DHRSX: variants seen among roughly 807,000 people sequenced by gnomAD.
The protein encoded by DHRSX is polyprenol dehydrogenase.
DHRSX carries 31 observed loss-of-function variants against 34.0 expected under a neutral mutation model. The observed-to-expected ratio is 0.91, with a 90% CI of 0.69 to 1.23. DHRSX has a LOEUF of 1.23. DHRSX is among the 50% of genes most tolerant of loss of function. The probability of loss-of-function intolerance (pLI) is 0.00; values close to 1 mark genes in which losing one functional copy is unlikely to be tolerated. For missense variants in DHRSX, 414 were observed against 428.1 expected (o/e 0.97, Z 0.29); for synonymous variants, 201 against 183.8 (o/e 1.09, Z -0.76).
At chrX:2,326,475 A>G (rs2042387733) in intron 3 of DHRSX, among the ~76,000 whole-genome samples, 1 of 152,104 alleles carries the variant, frequency 6.6e-6, no homozygotes. Context: ...GTGAGCCCAG[A>G]TCGCACCACT....
intron 3 of DHRSX, among the ~76,000 whole-genome samples, chrX:2,391,312 C>T (rs1404780136): frequency 1.3e-5 from 2 of 152,174 alleles, no homozygotes; most frequent in African/African-American, 2.4e-5. Context: ...CTCTCCAGGT[C>T]GTCCCTCCTT....
At chrX:2,309,094 G>C (rs2042134425) in intron 3 of DHRSX, among the ~76,000 whole-genome samples, 1 of 152,028 alleles carries the variant, frequency 6.6e-6, no homozygotes, top group Non-Finnish European at 1.5e-5. Context: ...TTTTCTCAGA[G>C]ATACTAATTA....
At position 2,298,616 on chromosome X, in the gene DHRSX, A is replaced by ACACACACACGCACACACGCACACACACG. The variant is rs1556457297; in HGVS notation, c.287-7014_287-7013insCGTGTGTGTGCGTGTGTGCGTGTGTGTG. Among the ~76,000 whole-genome samples, 170 of 138,372 alleles carry ACACACACACGCACACACGCACACACACG rather than the reference A, an allele frequency of 1.2e-3. 17 individuals carry two copies. Among genetic ancestry groups the ACACACACACGCACACACGCACACACACG allele is most frequent in the African/African-American group, 5.4e-3 (162 of 29,982 alleles). 90.8% of individuals were successfully genotyped at this position (138,372 alleles called of 152,430 possible). ...GGCGCGTGTGTACACACACACACAC[A>ACACACACACGCACACACGCACACACACG]CACACACACACACACACACACGAGG... On this transcript the variant is annotated intron_variant, in intron 3 of 6. Transcript: ENST00000334651.
At chrX:2,253,299 T>C (rs768394383) in intron 5 of DHRSX, among the ~76,000 whole-genome samples, 1 of 137,530 alleles carries the variant, frequency 7.3e-6, no homozygotes, top group African/African-American at 2.7e-5. Context: ...GCCACGGCAC[T>C]GCAGCCTGGG....
chrX:2,346,375 GTC>G (rs1245123965), intron 3 of DHRSX, among the ~76,000 whole-genome samples: 3 of 151,954 alleles, frequency 2.0e-5, no homozygotes, highest in South Asian at 2.1e-4. Context: ...GGTTTTTCTC[GTC>G]TCTGTTTTCA....
intron 4 of DHRSX, among the ~76,000 whole-genome samples, chrX:2,276,468 C>G (rs1405113784): frequency 6.6e-6 from 1 of 152,096 alleles, no homozygotes; most frequent in Admixed American, 6.6e-5. Context: ...TCTGCCAATT[C>G]AAAGGTGGAA....
chrX:2,357,560 A>T (rs941721825), intron 3 of DHRSX, among the ~76,000 whole-genome samples: 18 of 152,096 alleles, frequency 1.2e-4, no homozygotes, highest in African/African-American at 4.1e-4. Flanking sequence ...AGGTGGAAAG[A>T]GCTCTTCGTC....
At chrX:2,458,673 G>A (rs2124683389) in intron 1 of DHRSX, among the ~76,000 whole-genome samples, 1 of 141,504 alleles carries the variant, frequency 7.1e-6, no homozygotes, top group African/African-American at 2.7e-5. Context: ...AGGGAAGAAT[G>A]CTTCATGAAG....
intron 3 of DHRSX, among the ~76,000 whole-genome samples, chrX:2,292,183 G>A (rs1331971656): frequency 6.6e-6 from 1 of 152,180 alleles, no homozygotes. Flanking sequence ...CTTGATGTGA[G>A]CTGATGTTTT....
intron 3 of DHRSX, among the ~76,000 whole-genome samples, chrX:2,340,478 T>G (rs1434013473): frequency 6.6e-6 from 1 of 151,410 alleles, no homozygotes; most frequent in Non-Finnish European, 1.5e-5. Context: ...ATATATGATG[T>G]CCATCAATAT....
chrX:2,310,251 G>A (rs2042146751), intron 3 of DHRSX, among the ~76,000 whole-genome samples: 1 of 152,140 alleles, frequency 6.6e-6, no homozygotes, highest in Admixed American at 6.6e-5. Context: ...CGAAGCTCAT[G>A]ATGGCTTCTG....
chrX:2,442,440 GTATAA>G (rs2044075172), intron 1 of DHRSX, among the ~76,000 whole-genome samples: 1 of 151,030 alleles, frequency 6.6e-6, no homozygotes. Context: ...TAATTACATT[GTATAA>G]TATATTATGG....
chrX:2,242,554 G>A (rs1387013034), intron 6 of DHRSX, among the ~76,000 whole-genome samples: 4 of 152,062 alleles, frequency 2.6e-5, no homozygotes, highest in Non-Finnish European at 4.4e-5. Flanking sequence ...ATAAGAGGTT[G>A]CTACAAGGTA....
At chrX:2,286,924 T>C (rs2041811278) in intron 4 of DHRSX, among the ~76,000 whole-genome samples, 1 of 152,192 alleles carries the variant, frequency 6.6e-6, no homozygotes, top group Admixed American at 6.5e-5. Flanking sequence ...CTGGAAATGG[T>C]GTTCTGAGCA....
At chrX:2,484,448 G>A (rs998565075) in intron 1 of DHRSX, among the ~76,000 whole-genome samples, 34 of 152,274 alleles carry the variant, frequency 2.2e-4, no homozygotes, top group Non-Finnish European at 4.4e-4. Context: ...CCGCAGCTAG[G>A]AAGGAGCCTG....
intron 4 of DHRSX, among the ~76,000 whole-genome samples, chrX:2,267,431 G>T (rs1202790347): frequency 6.6e-6 from 1 of 151,966 alleles, no homozygotes; most frequent in Non-Finnish European, 1.5e-5. Context: ...TGTAGTTCCA[G>T]CTACTCAGGA....
chrX:2,344,328 C>G (rs1384978266), intron 3 of DHRSX, among the ~76,000 whole-genome samples: 6 of 152,066 alleles, frequency 3.9e-5, no homozygotes, highest in Admixed American at 6.6e-5. Context: ...ATGGCGATCA[C>G]TAAAAAAGTC....
At chrX:2,308,579 T>C (rs766883575) in intron 3 of DHRSX, among the ~76,000 whole-genome samples, 37 of 152,304 alleles carry the variant, frequency 2.4e-4, no homozygotes, top group Non-Finnish European at 3.4e-4. Flanking sequence ...TAACCAACCT[T>C]GTAACCCAAC....
chrX:2,306,916 G>A (rs1172509873), intron 3 of DHRSX, among the ~76,000 whole-genome samples: 1 of 128,304 alleles, frequency 7.8e-6, no homozygotes, highest in Admixed American at 7.8e-5. Flanking sequence ...GAATTTGTCT[G>A]GTCTTGGGGC....
Sources: allele counts gnomAD v4.1 joint callset (sites outside exome capture counted in the v4.1 genomes callset), GRCh38; gene constraint gnomAD v4.1.1; transcripts MANE v1.5; gene names NCBI Gene and HGNC (gene_info 2026-07-23, HGNC 2026-07-21).